The following CSMD1 variants were observed in gnomAD, a reference collection of about 807,000 sequenced individuals.
CSMD1 encodes the protein CUB and Sushi multiple domains 1.
A neutral mutation model predicts 417.5 loss-of-function variants in CSMD1; 213 were observed. That is an observed-to-expected ratio of 0.51 (90% confidence interval 0.46 to 0.57). CSMD1 has a LOEUF of 0.57. CSMD1 is among the 20% of genes least tolerant of loss of function. The pLI is 0.00. For missense variants in CSMD1, 6,923 were observed against 4,529.7 expected, an observed-to-expected ratio of 1.53 and a Z score of -15.17; for synonymous variants, 2,862 against 1,736.8, an observed-to-expected ratio of 1.65 and a Z score of -16.11.
intron 3 of CSMD1, among the ~76,000 whole-genome samples, chr8:4,187,554 G>C (rs1342672469): frequency 6.6e-6 from 1 of 151,644 alleles, no homozygotes; most frequent in Non-Finnish European, 1.5e-5. Flanking sequence ...TCAGGTAGGA[G>C]AATCGCCTGA....
chr8:4,149,326 A>T (rs1796446331), intron 3 of CSMD1, among the ~76,000 whole-genome samples: 1 of 152,194 alleles, frequency 6.6e-6, no homozygotes, highest in African/African-American at 2.4e-5. Context: ...GAGAATTTTT[A>T]AAACATCACT....
At chr8:3,075,417 G>A (rs968228031) in intron 49 of CSMD1, among the ~76,000 whole-genome samples, 5 of 151,816 alleles carry the variant, frequency 3.3e-5, no homozygotes, top group Admixed American at 6.6e-5. Context: ...AAGTAGCTGG[G>A]ATTACAGGCA....
At chr8:4,844,125 T>G (rs1459712070) in intron 1 of CSMD1, among the ~76,000 whole-genome samples, 2 of 152,214 alleles carry the variant, frequency 1.3e-5, no homozygotes, top group African/African-American at 4.8e-5. Flanking sequence ...ACACTGGTTT[T>G]GATTTACAAA....
chr8:3,784,801 T>C (rs932381270), intron 5 of CSMD1, among the ~76,000 whole-genome samples: 1 of 152,250 alleles, frequency 6.6e-6, no homozygotes, highest in Non-Finnish European at 1.5e-5. Context: ...TCATGTTGCA[T>C]ATCACAATTG....
rs74396094 is a variant in CSMD1, at chr8:3,186,242, C to G, written c.5620+1627G>C. On this transcript the variant is annotated intron_variant, in intron 36 of 69. Coordinates refer to ENST00000635120, the MANE Select transcript of CSMD1 (RefSeq NM_033225.6). ...TAACAACAAACACAGTGTCTGATATCTAGCAGGTACTTTAAGAAATCACAT... is the reference window on the plus strand; with the variant it reads ...TAACAACAAACACAGTGTCTGATATGTAGCAGGTACTTTAAGAAATCACAT... Among the ~76,000 whole-genome samples the G allele has an allele frequency of 7.8e-3, 1,185 of 152,244 alleles. 14 individuals are homozygous for G. Among genetic ancestry groups the G allele is most frequent in the African/African-American group, 0.027 (1,104 of 41,528 alleles).
At chr8:3,110,370 C>T (rs939617087) in intron 42 of CSMD1, 35 bp from the exon 43 acceptor site, 28 of 1,544,820 alleles carry the variant, frequency 1.8e-5, no homozygotes, top group South Asian at 2.5e-5. Context: ...AAGCGCCATA[C>T]AGCTGATTTT....
At chr8:3,286,432 C>T (rs1451018732) in intron 25 of CSMD1, among the ~76,000 whole-genome samples, 1 of 152,152 alleles carries the variant, frequency 6.6e-6, no homozygotes, top group East Asian at 1.9e-4. Flanking sequence ...AACTAGTTTA[C>T]AGTCCCACCA....
intron 6 of CSMD1, among the ~76,000 whole-genome samples, chr8:3,749,630 C>T (rs1366759282): frequency 6.6e-6 from 1 of 152,180 alleles, no homozygotes; most frequent in African/African-American, 2.4e-5. Flanking sequence ...AGAAGTTACA[C>T]AATTCTGTCC....
chr8:3,454,845 T>C (rs541825125), intron 12 of CSMD1, among the ~76,000 whole-genome samples: 49 of 152,296 alleles, frequency 3.2e-4, no homozygotes, highest in Non-Finnish European at 5.9e-4. Context: ...TTTCCTGAAT[T>C]TGAATGTTGG....
chr8:3,428,862 A>G (rs1387084072), intron 12 of CSMD1, among the ~76,000 whole-genome samples: 2 of 152,216 alleles, frequency 1.3e-5, no homozygotes, highest in African/African-American at 4.8e-5. Flanking sequence ...GGTCATAAAA[A>G]AGAAAGAAAT....
intron 1 of CSMD1, among the ~76,000 whole-genome samples, chr8:4,853,663 G>T (rs1156934694): frequency 6.6e-6 from 1 of 152,220 alleles, no homozygotes; most frequent in Non-Finnish European, 1.5e-5. Flanking sequence ...ACACTACCCA[G>T]TGGAGCTGTG....
At chr8:3,868,054 C>T (rs979404197) in intron 5 of CSMD1, among the ~76,000 whole-genome samples, 1 of 152,154 alleles carries the variant, frequency 6.6e-6, no homozygotes, top group African/African-American at 2.4e-5. Context: ...TGATCTGTCC[C>T]TATCACCCAT....
chr8:3,809,669 A>C (rs1240273182), intron 5 of CSMD1, among the ~76,000 whole-genome samples: 2 of 152,182 alleles, frequency 1.3e-5, no homozygotes, highest in Non-Finnish European at 2.9e-5. Flanking sequence ...GGTGATGCTG[A>C]TGCTGCTAAT....
At chr8:3,150,395 G>A (rs1448770903) in intron 40 of CSMD1, among the ~76,000 whole-genome samples, 2 of 152,046 alleles carry the variant, frequency 1.3e-5, no homozygotes, top group Admixed American at 1.3e-4. Flanking sequence ...CACGTCCAGC[G>A]CCTGATTGAC....
intron 2 of CSMD1, among the ~76,000 whole-genome samples, chr8:4,428,879 T>A (rs1471377760): frequency 6.6e-6 from 1 of 152,012 alleles, no homozygotes; most frequent in Non-Finnish European, 1.5e-5. Flanking sequence ...CACGTCCAGC[T>A]AATTTTTGCA....
intron 41 of CSMD1, among the ~76,000 whole-genome samples, chr8:3,119,527 G>A (rs1817074584): frequency 6.6e-6 from 1 of 151,676 alleles, no homozygotes. Flanking sequence ...GGTAAGACAA[G>A]AGATAATAAA....
chr8:4,474,265 G>A (rs954456969), intron 2 of CSMD1, among the ~76,000 whole-genome samples: 1 of 152,132 alleles, frequency 6.6e-6, no homozygotes, highest in African/African-American at 2.4e-5. Flanking sequence ...TTATGTTTAT[G>A]TTTATAAATA....
intron 1 of CSMD1, among the ~76,000 whole-genome samples, chr8:4,660,227 T>C (rs989835935): frequency 2.6e-5 from 4 of 151,998 alleles, no homozygotes; most frequent in African/African-American, 9.7e-5. Context: ...CCAAGGAATC[T>C]ACCAAGAAAT....
chr8:4,390,964 A>G (rs866724063), intron 3 of CSMD1, among the ~76,000 whole-genome samples: 1 of 152,178 alleles, frequency 6.6e-6, no homozygotes, highest in African/African-American at 2.4e-5. Flanking sequence ...AATACTTAAA[A>G]CAGATTCTGT....
Sources: gnomAD v4.1 joint callset for allele counts (sites outside exome capture counted in the v4.1 genomes callset) on GRCh38, gnomAD v4.1.1 for gene constraint, MANE v1.5 for transcripts, NCBI Gene and HGNC (gene_info 2026-07-23, HGNC 2026-07-21) for gene names.